BRD1: variants seen among roughly 807,000 people sequenced by gnomAD.
BRD1 encodes the protein bromodomain containing 1.
BRD1 carries 24 observed loss-of-function variants against 107.7 expected under a neutral mutation model. The observed-to-expected ratio is 0.22, with a 90% CI of 0.16 to 0.31. The LOEUF (loss-of-function observed/expected upper bound fraction) is 0.31. BRD1 is among the 10% of genes least tolerant of loss of function. The pLI, the probability that BRD1 is intolerant of heterozygous loss-of-function variation, is 1.00. For missense variants in BRD1, 1,279 were observed against 1,638.6 expected (o/e 0.78, Z 3.79); for synonymous variants, 744 against 686.1 (o/e 1.08, Z -1.32).
intron 2 of BRD1, among the ~76,000 whole-genome samples, chr22:49,815,427 C>T (rs1174446283): frequency 5.3e-5 from 8 of 152,080 alleles, no homozygotes; most frequent in African/African-American, 1.4e-4. Flanking sequence ...CCTGTAATTC[C>T]GGCTATTCGG....
Position 49,824,413 on chromosome 22 carries a change from A to C in BRD1, c.-14-82T>G. The C allele has an allele frequency of 6.5e-7, 1 of 1,531,616 alleles. No homozygotes were observed. The highest frequency in any genetic ancestry group is 2.1e-5 in the Admixed American group (1 of 48,442). The allele number at this position is 1,531,616 out of a possible 1,614,324, so 94.9% of individuals were successfully genotyped here. A position where few individuals can be genotyped will look rare whatever the true frequency, so the allele number is the denominator to read the frequency against. ...AAACCACAAAAGCATGCTTGGACAGATCTAGCTCAGCAGCTCAAAGCCCAA... is the reference window on the plus strand; with the variant it reads ...AAACCACAAAAGCATGCTTGGACAGCTCTAGCTCAGCAGCTCAAAGCCCAA... On this transcript the variant is annotated intron_variant, in intron 1 of 12. Transcript: ENST00000404760. This position sits in a 1 kb window ranked among gnomAD's most constrained non-coding sequence, Gnocchi z 5.9.
At chr22:49,796,304 C>T (rs2059530335) in intron 6 of BRD1, among the ~76,000 whole-genome samples, 1 of 151,700 alleles carries the variant, frequency 6.6e-6, no homozygotes, top group East Asian at 1.9e-4. Flanking sequence ...CCACATTAGC[C>T]AGGATGGTCT....
At chr22:49,798,319 C>T (rs908952602) in intron 5 of BRD1, among the ~76,000 whole-genome samples, 21 of 152,300 alleles carry the variant, frequency 1.4e-4, no homozygotes, top group Admixed American at 4.6e-4. Context: ...TGGAGGGTGC[C>T]GGGCGGATGC....
intron 2 of BRD1, among the ~76,000 whole-genome samples, chr22:49,818,590 G>A (rs1030246552): frequency 7.9e-5 from 12 of 152,146 alleles, no homozygotes; most frequent in Middle Eastern, 3.4e-3. Flanking sequence ...TAAGACTAAA[G>A]ACAAAATGTC....
At chr22:49,795,615 A>G (rs990819081) in intron 6 of BRD1, among the ~76,000 whole-genome samples, 1 of 152,262 alleles carries the variant, frequency 6.6e-6, no homozygotes, top group African/African-American at 2.4e-5. Flanking sequence ...CGGGCTGCTA[A>G]GAAGACAGGG....
At chr22:49,827,197 C>A (rs1197533002) in intron 1 of BRD1, among the ~76,000 whole-genome samples, 2 of 150,796 alleles carry the variant, frequency 1.3e-5, no homozygotes, top group Non-Finnish European at 3.0e-5. Flanking sequence ...CCGAGACCCA[C>A]AGCCCGACTC....
At chr22:49,812,279 T>C (rs1336656504) in intron 2 of BRD1, among the ~76,000 whole-genome samples, 1 of 152,128 alleles carries the variant, frequency 6.6e-6, no homozygotes, top group East Asian at 1.9e-4. Context: ...TTACAACATG[T>C]TGTATCCATC....
Position 49,776,068 on chromosome 22 carries a change from G to A in BRD1, c.3213C>T (p.Tyr1071=). 6.3e-7 allele frequency: 1 copy of A among 1,585,412 alleles called. No individual in the cohort carries two copies. Among genetic ancestry groups the A allele is most frequent in the East Asian group, 2.3e-5 (1 of 44,438 alleles). Residue 1071 remains tyrosine, a synonymous_variant, in exon 11 of 13, where the codon TAC becomes TAT. Transcript: ENST00000404760. Reference sequence around the variant, plus strand: ...TACTCACCAGTGCCGGGTAGGAGGGGTAGCCGCTGCACTTGGCCCACACCA... The same window carrying A: ...TACTCACCAGTGCCGGGTAGGAGGGATAGCCGCTGCACTTGGCCCACACCA... The part of the protein sequence containing the change: ...LKVVWAKCSG[Y]PSYPALIIDP...
At chr22:49,777,921 C>G (rs2059132312) in intron 8 of BRD1, 108 bp from the exon 9 acceptor site, 1 of 1,400,882 alleles carries the variant, frequency 7.1e-7, no homozygotes, top group Admixed American at 2.6e-5. Context: ...GTTTCACAGA[C>G]AGGTAAGACA....
At position 49,783,688 on chromosome 22, in the gene BRD1, G is replaced by A. The variant is rs1215041016; in HGVS notation, c.2857+3702C>T. 1.3e-5 allele frequency among the ~76,000 whole-genome samples: 2 copies of A among 152,116 alleles called. No individual in the cohort carries two copies. The highest frequency in any genetic ancestry group is 2.9e-5 in the Non-Finnish European group (2 of 68,014). On this transcript the variant is annotated intron_variant, in intron 8 of 12. Transcript: ENST00000404760. The surrounding 1 kb of genome is among the most constrained non-coding windows in gnomAD (Gnocchi z 4.2). ...GTGCCACGACATCCCGCCAGCTCCA[G>A]GCGTGCACCGGGCGCCAGCACCATT...
Position 49,775,880 on chromosome 22 carries a change from C to G in BRD1, c.3232-135G>C, listed in dbSNP as rs561804029. On this transcript the variant is annotated intron_variant, in intron 11 of 12. Coordinates refer to ENST00000404760, the MANE Select transcript of BRD1 (RefSeq NM_001304808.3). ...CAGACCACCCCCACGCCCCCCTCGC[C>G]GAACCACCCCTGCCCCTTCCAGCTG... 60 of 1,183,476 alleles carry G rather than the reference C, an allele frequency of 5.1e-5. No individual in the cohort carries two copies. The South Asian group carries it at 5.9e-4, about 12-fold the overall frequency. 73.3% of individuals were successfully genotyped at this position (1,183,476 alleles called of 1,614,324 possible).
intron 2 of BRD1, chr22:49,805,573 G>C (rs1195908290): frequency 6.6e-6 from 1 of 152,614 alleles, no homozygotes. Context: ...CTGGGACGCT[G>C]GGCTCTGATC....
intron 2 of BRD1, among the ~76,000 whole-genome samples, chr22:49,810,094 G>C (rs1234476087): frequency 6.6e-6 from 1 of 152,008 alleles, no homozygotes; most frequent in East Asian, 1.9e-4. Context: ...CACAAGCAAT[G>C]GATATCAAGA....
intron 2 of BRD1, among the ~76,000 whole-genome samples, chr22:49,815,169 T>G (rs932376850): frequency 2.6e-5 from 4 of 152,190 alleles, no homozygotes; most frequent in Non-Finnish European, 1.5e-5. Context: ...GTGAGGCCAG[T>G]GAGAAACGCA....
chr22:49,814,270 C>A (rs1036202883), intron 2 of BRD1, among the ~76,000 whole-genome samples: 1 of 152,264 alleles, frequency 6.6e-6, no homozygotes, highest in African/African-American at 2.4e-5. Context: ...AGTGCACAGG[C>A]AGGGCAGGAG....
chr22:49,789,641 G>C (rs2059395345), intron 7 of BRD1, among the ~76,000 whole-genome samples: 1 of 152,178 alleles, frequency 6.6e-6, no homozygotes, highest in South Asian at 2.1e-4. Context: ...GGAGCCTGAA[G>C]GAGTCTCCTC....
Position 49,787,381 on chromosome 22 carries a change from G to A in BRD1, c.2857+9C>T, listed in dbSNP as rs192186039. 8.7e-5 allele frequency: 136 copies of A among 1,571,076 alleles called. No homozygotes were observed. The East Asian group carries it at 2.4e-3, about 28-fold the overall frequency. ...AAGGGCGCCTCTCAGGGCCGCCCGC[G>A]GCATTTACCTGCGTCCAGGCGCTTT... is the stretch of plus-strand genomic sequence containing the variant. On this transcript the variant is annotated intron_variant, in intron 8 of 12. Transcript: ENST00000404760.
intron 11 of BRD1, 91 bp from the exon 12 acceptor site, chr22:49,775,836 C>CTG (rs1233676720): frequency 4.2e-5 from 54 of 1,271,122 alleles, no homozygotes; most frequent in South Asian, 1.1e-4. Flanking sequence ...CCTCCCCACC[C>CTG]CAGCTGTGTG....
chr22:49,823,106 G>C lies in BRD1; in HGVS notation c.1212C>G (p.Val404=). ...TRRPLNIYGD[V]EMKNGVCRKE... ...TTCGACAGACGCCATTTTTCATTTC[G>C]ACATCCCCGTAAATATTCAGAGGCC... Residue 404 remains valine, a synonymous_variant, in exon 2 of 13, where the codon GTC becomes GTG. Coordinates refer to ENST00000404760, the MANE Select transcript of BRD1 (RefSeq NM_001304808.3). The C allele has an allele frequency of 2.5e-6, 4 of 1,613,990 alleles. No individual in the cohort carries two copies. The highest frequency in any genetic ancestry group is 3.4e-6 in the Non-Finnish European group (4 of 1,180,016).
Sources: allele counts gnomAD v4.1 joint callset (sites outside exome capture counted in the v4.1 genomes callset), GRCh38; gene constraint gnomAD v4.1.1; non-coding constraint Gnocchi (gnomAD v3.1); transcripts MANE v1.5; gene names NCBI Gene and HGNC (gene_info 2026-07-23, HGNC 2026-07-21).